SEC14L5: variants seen among roughly 807,000 people sequenced by gnomAD.
SEC14L5 encodes the protein SEC14 like lipid binding 5, also known as SEC14-like protein 5.
A neutral mutation model predicts 84.6 loss-of-function variants in SEC14L5; 96 were observed. The ratio of observed to expected loss-of-function variants is 1.13; its 90% CI spans 0.96 to 1.34. The LOEUF (loss-of-function observed/expected upper bound fraction) is 1.34, where lower values mean the gene tolerates loss of function less well. SEC14L5 is among the 40% of genes most tolerant of loss of function. SEC14L5 has a pLI of 0.00. For missense variants in SEC14L5, 1,224 were observed against 942.5 expected, an observed-to-expected ratio of 1.30 and a Z score of -3.91; for synonymous variants, 546 against 383.4, an observed-to-expected ratio of 1.42 and a Z score of -4.95.
rs985069805 is a variant in SEC14L5, at chr16:5,018,340, C to T, written c.*3370C>T. ...AGTAGGTGTCAAGAATTATTGCCCTCTGAGTTGGGTGTGCAGTCTTTCTCT... is the reference window on the plus strand; with the variant it reads ...AGTAGGTGTCAAGAATTATTGCCCTTTGAGTTGGGTGTGCAGTCTTTCTCT... On this transcript the variant is annotated 3_prime_UTR_variant, in exon 16 of 16. Transcript: ENST00000251170. 2.6e-5 allele frequency: 4 copies of T among 152,234 alleles called. No homozygotes were observed. The highest frequency in any genetic ancestry group is 9.6e-5 in the African/African-American group (4 of 41,466). The allele number at this position is 152,234 out of a possible 1,614,324, so 9.4% of individuals were successfully genotyped here. A position where few individuals can be genotyped will look rare whatever the true frequency, so the allele number is the denominator to read the frequency against.
At chr16:4,974,464 A>G (rs1369045704) in intron 2 of SEC14L5, among the ~76,000 whole-genome samples, 4 of 152,160 alleles carry the variant, frequency 2.6e-5, no homozygotes, top group African/African-American at 9.7e-5. Context: ...TCGACCTCCC[A>G]AAGTGCTGGG....
intron 2 of SEC14L5, among the ~76,000 whole-genome samples, chr16:4,976,250 T>C (rs1440031648): frequency 6.6e-6 from 1 of 152,152 alleles, no homozygotes; most frequent in Admixed American, 6.5e-5. Flanking sequence ...ATTAAGGAAC[T>C]GAGAGCTTGA....
intron 11 of SEC14L5, among the ~76,000 whole-genome samples, chr16:5,005,563 TA>T (rs60027482): frequency 0.095 from 14,342 of 151,526 alleles, 1,454 homozygotes; most frequent in East Asian, 0.52. Context: ...TATATCTCAA[TA>T]AAAAAATACA....
intron 11 of SEC14L5, among the ~76,000 whole-genome samples, chr16:5,004,001 C>G (rs77655643): frequency 0.021 from 3,206 of 152,362 alleles, 111 homozygotes; most frequent in African/African-American, 0.074. Flanking sequence ...TACACCCACG[C>G]CCACACACAC....
chr16:4,972,688 G>A (rs1349667389), intron 2 of SEC14L5, among the ~76,000 whole-genome samples: 1 of 152,196 alleles, frequency 6.6e-6, no homozygotes, highest in Non-Finnish European at 1.5e-5. Flanking sequence ...TAAAGCTGAA[G>A]AATACGTCAT....
At chr16:4,968,587 GT>G (rs1955235399) in intron 2 of SEC14L5, among the ~76,000 whole-genome samples, 1 of 152,248 alleles carries the variant, frequency 6.6e-6, no homozygotes, top group African/African-American at 2.4e-5. Context: ...GTCTCCCAAA[GT>G]GCTGGGATCA....
rs557995248 is a variant in SEC14L5 at position 4,983,643 on chromosome 16, G to A, written c.64-3914G>A. On this transcript the variant is annotated intron_variant, in intron 2 of 15. Coordinates refer to ENST00000251170, the MANE Select transcript of SEC14L5 (RefSeq NM_014692.2). ...TGTAATCCCAGCACTTTGGGAGGCC[G>A]AGGTGGACGGATCACCCGAAGTCAG... Among the ~76,000 whole-genome samples the A allele has an allele frequency of 2.0e-3, 307 of 151,628 alleles. 2 individuals are homozygous for A. The highest frequency in any genetic ancestry group is 6.7e-3 in the African/African-American group (279 of 41,398).
intron 3 of SEC14L5, 113 bp from the exon 4 acceptor site, chr16:4,988,036 G>C: frequency 1.7e-6 from 2 of 1,173,470 alleles, no homozygotes; most frequent in South Asian, 1.4e-5. Flanking sequence ...TGGCGCAAGG[G>C]ACCTGGGACT....
rs75111584 is a variant in SEC14L5 at position 4,966,875 on chromosome 16, C to T, written c.63+7489C>T. Among the ~76,000 whole-genome samples the T allele has an allele frequency of 9.6e-3, 1,459 of 152,292 alleles. 6 individuals carry two copies. The highest frequency in any genetic ancestry group is 0.036 in the South Asian group (173 of 4,820). On this transcript the variant is annotated intron_variant, in intron 2 of 15. Coordinates refer to ENST00000251170, the MANE Select transcript of SEC14L5 (RefSeq NM_014692.2). Reference sequence around the variant, plus strand: ...TACCATCAGGATGCCTTTACCCCTTCGGGACCCTGCAAGGGAGAATACAGC... The same window carrying T: ...TACCATCAGGATGCCTTTACCCCTTTGGGACCCTGCAAGGGAGAATACAGC...
intron 2 of SEC14L5, among the ~76,000 whole-genome samples, chr16:4,966,799 A>G (rs111415718): frequency 4.3e-4 from 65 of 152,282 alleles, no homozygotes; most frequent in African/African-American, 1.5e-3. Flanking sequence ...GGAGGATCTG[A>G]AGTTACTGAG....
intron 2 of SEC14L5, among the ~76,000 whole-genome samples, chr16:4,987,009 C>A (rs1315289214): frequency 1.3e-5 from 2 of 152,164 alleles, no homozygotes; most frequent in African/African-American, 2.4e-5. Context: ...TCCTTTCCAA[C>A]TGGATGGCTT....
chr16:4,996,947 G>C lies in SEC14L5; in HGVS notation c.873G>C (p.Trp291Cys). The change falls in exon 8 of 16, where the codon TGG (tryptophan) becomes TGC (cysteine). Residue 291 changes from tryptophan to cysteine, a missense_variant. Physicochemically the swap from Trp to Cys is radical, Grantham distance 215. Transcript: ENST00000251170. ...AAATGCTGCGCCAGTCCTTGAGCTG[G>C]CGCAAGCAGCACCAGGTGGATCTCC... ...AREMLRQSLS[W>C]RKQHQVDLLL... 3 of 1,613,596 alleles carry C rather than the reference G, an allele frequency of 1.9e-6. No individual in the cohort carries two copies. Among genetic ancestry groups the C allele is most frequent in the Non-Finnish European group, 1.7e-6 (2 of 1,179,726 alleles).
intron 10 of SEC14L5, 58 bp from the exon 11 acceptor site, chr16:5,003,344 T>G: frequency 7.5e-7 from 1 of 1,342,044 alleles, no homozygotes; most frequent in Admixed American, 1.7e-5. Flanking sequence ...GTGGGGAGGG[T>G]GTTGGTGGCC....
At chr16:4,993,077 CT>C (rs1204579120) in intron 6 of SEC14L5, among the ~76,000 whole-genome samples, 1 of 151,958 alleles carries the variant, frequency 6.6e-6, no homozygotes, top group African/African-American at 2.4e-5. Flanking sequence ...GGGTCTTGCT[CT>C]GTTGCCCAGC....
At chr16:4,968,223 A>G (rs1481393380) in intron 2 of SEC14L5, among the ~76,000 whole-genome samples, 13 of 150,778 alleles carry the variant, frequency 8.6e-5, no homozygotes, top group Non-Finnish European at 1.5e-5. Context: ...CTTGTTGCCC[A>G]GGCTGGAGTG....
intron 2 of SEC14L5, among the ~76,000 whole-genome samples, chr16:4,971,816 T>C (rs1955283980): frequency 6.6e-6 from 1 of 152,210 alleles, no homozygotes; most frequent in Admixed American, 6.5e-5. Context: ...CACTCATTCC[T>C]TCCTCCTTTC....
intron 15 of SEC14L5, among the ~76,000 whole-genome samples, chr16:5,013,225 C>A (rs11645284): frequency 0.22 from 33,968 of 151,970 alleles, 4,020 homozygotes; most frequent in Non-Finnish European, 0.25. Flanking sequence ...CCGTATCAGC[C>A]ACCCAGCCAG....
intron 8 of SEC14L5, among the ~76,000 whole-genome samples, 154 bp from the exon 9 acceptor site, chr16:5,000,501 G>C (rs964667418): frequency 3.3e-5 from 5 of 152,230 alleles, no homozygotes; most frequent in Admixed American, 2.0e-4. Flanking sequence ...GCCCCTCTTG[G>C]AAGCAGGCAG....
At chr16:5,003,964 G>A (rs890441340) in intron 11 of SEC14L5, among the ~76,000 whole-genome samples, 1 of 152,206 alleles carries the variant, frequency 6.6e-6, no homozygotes, top group Admixed American at 6.5e-5. Context: ...GGGTACACGC[G>A]TGCATGCACC....
Sources: gnomAD v4.1 joint callset for allele counts (sites outside exome capture counted in the v4.1 genomes callset) on GRCh38, gnomAD v4.1.1 for gene constraint, MANE v1.5 for transcripts, NCBI Gene and HGNC (gene_info 2026-07-23, HGNC 2026-07-21) for gene names.